VMP1: variants seen among roughly 807,000 people sequenced by gnomAD.
VMP1 encodes ectopic P-granules autophagy protein 3 homolog.
VMP1 carries 11 observed loss-of-function variants against 56.0 expected under a neutral mutation model. The ratio of observed to expected loss-of-function variants is 0.20; its 90% CI spans 0.12 to 0.32. The LOEUF (loss-of-function observed/expected upper bound fraction) is 0.32, where lower values mean the gene tolerates loss of function less well. Among genes scored for constraint, VMP1 ranks in the 10% least tolerant of loss-of-function variants. VMP1 has a pLI of 1.00. For missense variants in VMP1, 296 were observed against 490.3 expected (o/e 0.60, Z 3.74); for synonymous variants, 149 against 165.0 (o/e 0.90, Z 0.74).
intron 1 of VMP1, chr17:59,729,755 G>A (rs2143794360): frequency 7.1e-6 from 1 of 141,178 alleles, no homozygotes; most frequent in South Asian, 2.3e-4. Context: ...GCACGATCTT[G>A]GCTCACTGCA....
intron 10 of VMP1, among the ~76,000 whole-genome samples, chr17:59,835,611 C>A (rs1049796235): frequency 2.0e-5 from 3 of 151,378 alleles, no homozygotes; most frequent in Non-Finnish European, 2.9e-5. Flanking sequence ...CTGCCTCAGC[C>A]TCACTAGTAG....
At chr17:59,732,940 G>T (rs553483838) in intron 2 of VMP1, among the ~76,000 whole-genome samples, 2 of 152,016 alleles carry the variant, frequency 1.3e-5, no homozygotes, top group Non-Finnish European at 2.9e-5. Context: ...GGCCAAGGCG[G>T]AAGGATCTCT....
chr17:59,827,826 C>G (rs1420280329), intron 10 of VMP1, among the ~76,000 whole-genome samples: 1 of 151,882 alleles, frequency 6.6e-6, no homozygotes, highest in East Asian at 1.9e-4. Flanking sequence ...CCCAGCTACT[C>G]GGAAGGTTGA....
intron 7 of VMP1, among the ~76,000 whole-genome samples, chr17:59,801,165 A>ATATACAG: frequency 6.7e-6 from 1 of 149,322 alleles, no homozygotes; most frequent in African/African-American, 2.5e-5. Flanking sequence ...ACATACAGTT[A>ATATACAG]TATATAGTAC....
intron 5 of VMP1, among the ~76,000 whole-genome samples, chr17:59,747,156 A>G (rs901576329): frequency 6.6e-6 from 1 of 152,230 alleles, no homozygotes; most frequent in Non-Finnish European, 1.5e-5. Context: ...GCCAGGAGAC[A>G]TATTCTGTTA....
intron 5 of VMP1, among the ~76,000 whole-genome samples, chr17:59,752,407 A>G (rs1247007484): frequency 1.3e-5 from 2 of 152,188 alleles, no homozygotes; most frequent in South Asian, 2.1e-4. Flanking sequence ...GCTGTCTTCT[A>G]AGGATTTTTG....
chr17:59,811,135 A>G (rs1014126582), intron 8 of VMP1, among the ~76,000 whole-genome samples: 20 of 152,356 alleles, frequency 1.3e-4, no homozygotes, highest in Admixed American at 5.2e-4. Flanking sequence ...GTTGAGAATA[A>G]CAGCACATCC....
At chr17:59,743,790 A>G (rs1189364680) in intron 5 of VMP1, among the ~76,000 whole-genome samples, 1 of 151,992 alleles carries the variant, frequency 6.6e-6, no homozygotes, top group Non-Finnish European at 1.5e-5. Flanking sequence ...TAGCTCCAAG[A>G]CTTTTTTGAT....
At chr17:59,781,131 A>G (rs1443527077) in intron 7 of VMP1, among the ~76,000 whole-genome samples, 1 of 152,158 alleles carries the variant, frequency 6.6e-6, no homozygotes, top group African/African-American at 2.4e-5. Context: ...TATCTGAGAG[A>G]GTACTAATGT....
chr17:59,799,585 G>T (rs764549606), intron 7 of VMP1, among the ~76,000 whole-genome samples: 1 of 151,936 alleles, frequency 6.6e-6, no homozygotes, highest in Non-Finnish European at 1.5e-5. Context: ...GGTAATTCTA[G>T]AATTTATTTC....
Position 59,808,684 on chromosome 17 carries a change from A to G in VMP1, c.715-112A>G, listed in dbSNP as rs2037932907. On this transcript the variant is annotated intron_variant, in intron 7 of 11. Coordinates refer to ENST00000262291, the MANE Select transcript of VMP1 (RefSeq NM_030938.5). ...CCTACTGTAATTTTTTTCATCATTCATCTTATTAATCAGTGTCATCAGATT... is the reference window on the plus strand; with the variant it reads ...CCTACTGTAATTTTTTTCATCATTCGTCTTATTAATCAGTGTCATCAGATT... 5 of 784,596 alleles carry G rather than the reference A, an allele frequency of 6.4e-6. No individual in the cohort carries two copies. The South Asian group carries it at 9.4e-5, about 15-fold the overall frequency. 48.6% of individuals were successfully genotyped at this position (784,596 alleles called of 1,614,324 possible). A position where few individuals can be genotyped will look rare whatever the true frequency, so the allele number is the denominator to read the frequency against.
intron 5 of VMP1, among the ~76,000 whole-genome samples, chr17:59,760,147 T>G (rs1023556271): frequency 2.7e-5 from 4 of 150,858 alleles, no homozygotes; most frequent in Non-Finnish European, 5.9e-5. Context: ...AAAAAAAAAT[T>G]AGTGGTTGTC....
At chr17:59,750,391 T>A (rs1025042040) in intron 5 of VMP1, among the ~76,000 whole-genome samples, 2 of 151,524 alleles carry the variant, frequency 1.3e-5, no homozygotes, top group African/African-American at 4.9e-5. Flanking sequence ...AACCTCTGCC[T>A]CCTGGGTTCA....
At chr17:59,797,722 T>C (rs2037494144) in intron 7 of VMP1, among the ~76,000 whole-genome samples, 1 of 152,082 alleles carries the variant, frequency 6.6e-6, no homozygotes, top group Non-Finnish European at 1.5e-5. Context: ...ACTAAAAACA[T>C]ACAAAAATTA....
chr17:59,813,626 T>C (rs1031325513), intron 9 of VMP1, among the ~76,000 whole-genome samples: 2 of 151,770 alleles, frequency 1.3e-5, no homozygotes, highest in Non-Finnish European at 2.9e-5. Context: ...TAATAAAATA[T>C]GGTGAATAAT....
chr17:59,802,086 A>G (rs1752992149), intron 7 of VMP1, among the ~76,000 whole-genome samples: 1 of 151,906 alleles, frequency 6.6e-6, no homozygotes, highest in Non-Finnish European at 1.5e-5. Context: ...CTGTAGTCCT[A>G]GGTACTCTGG....
chr17:59,714,577 C>CT (rs1271000989), intron 1 of VMP1, among the ~76,000 whole-genome samples: 1 of 146,182 alleles, frequency 6.8e-6, no homozygotes, highest in Admixed American at 7.0e-5. Context: ...GGTTTTTCAC[C>CT]TTTTTCAAAT....
rs2035112997 is a variant in VMP1 at position 59,738,957 on chromosome 17, AT to A, written c.414+14del. ...CTTTCTGCTTTATCTGGTAAGAATA[AT>A]TTTATTTTAATAAGCAAAAATGATA... On this transcript the variant is annotated intron_variant, in intron 5 of 11. Coordinates refer to ENST00000262291, the MANE Select transcript of VMP1 (RefSeq NM_030938.5). The A allele has an allele frequency of 1.3e-6, 2 of 1,556,596 alleles. No individual in the cohort carries two copies. The highest frequency in any genetic ancestry group is 1.7e-6 in the Non-Finnish European group (2 of 1,155,132).
At chr17:59,776,970 T>G (rs1300563069) in intron 7 of VMP1, among the ~76,000 whole-genome samples, 1 of 152,202 alleles carries the variant, frequency 6.6e-6, no homozygotes, top group Non-Finnish European at 1.5e-5. Flanking sequence ...ATTTGCATAG[T>G]CTTTACATCT....
Sources: allele counts gnomAD v4.1 joint callset (sites outside exome capture counted in the v4.1 genomes callset), GRCh38; gene constraint gnomAD v4.1.1; transcripts MANE v1.5; gene names NCBI Gene and HGNC (gene_info 2026-07-23, HGNC 2026-07-21).